AHR: variants seen among roughly 807,000 people sequenced by gnomAD.
The protein encoded by AHR is aryl hydrocarbon receptor.
AHR carries 40 observed loss-of-function variants against 86.8 expected under a neutral mutation model. The observed-to-expected ratio is 0.46, with a 90% confidence interval of 0.36 to 0.60. AHR has a LOEUF of 0.60. Ranked by LOEUF, AHR falls within the 20% of genes least tolerant of loss-of-function variation. AHR has a pLI of 0.00. For synonymous variants in AHR, 398 were observed against 354.9 expected, an observed-to-expected ratio of 1.12 and a Z score of -1.37; for missense variants, 1,001 against 1,011.6, an observed-to-expected ratio of 0.99 and a Z score of 0.14.
chr7:17,324,410 A>T (rs1379014624), intron 3 of AHR, among the ~76,000 whole-genome samples: 2 of 152,234 alleles, frequency 1.3e-5, no homozygotes, highest in South Asian at 4.1e-4. Flanking sequence ...ACAGTGTGAA[A>T]GGTGTTACCA....
Position 17,329,977 on chromosome 7 carries a change from A to G in AHR, c.476A>G (p.Tyr159Cys). 1 of 1,610,870 alleles carries G rather than the reference A, an allele frequency of 6.2e-7. No individual in the cohort carries two copies. The highest frequency in any genetic ancestry group is 2.2e-5 in the East Asian group (1 of 44,832). Residue 159 changes from tyrosine to cysteine, a missense_variant, in exon 5 of 11, where the codon TAT (tyrosine) becomes TGT (cysteine). Around this residue, in one of 2 missense-constraint regions of AHR, gnomAD observed 394 missense variants for 468.5 expected, o/e 0.84. Coordinates refer to ENST00000242057, the MANE Select transcript of AHR (RefSeq NM_001621.5). ...TCTGATGTCATACATCAGAGTGTAT[A>G]TGAACTTATCCATACCGAAGACCGA... ...QQSDVIHQSV[Y>C]ELIHTEDRAE... is the part of the protein sequence containing the mutation.
intron 8 of AHR, among the ~76,000 whole-genome samples, chr7:17,335,202 A>G (rs1782342201): frequency 6.6e-6 from 1 of 152,108 alleles, no homozygotes; most frequent in South Asian, 2.1e-4. Context: ...TTGTTTAGTT[A>G]TTAAAAAATG....
chr7:17,309,926 T>G lies in AHR; in HGVS notation c.66-10T>G. 4 of 1,525,792 alleles carry G rather than the reference T, an allele frequency of 2.6e-6. No individual in the cohort carries two copies. Among genetic ancestry groups the G allele is most frequent in the Non-Finnish European group, 3.6e-6 (4 of 1,124,246 alleles). The allele number at this position is 1,525,792 out of a possible 1,614,324, so 94.5% of individuals were successfully genotyped here. A position where few individuals can be genotyped will look rare whatever the true frequency, so the allele number is the denominator to read the frequency against. The stretch of plus-strand genomic sequence containing the variant: ...AAAGGATTTTTTATGGTATTTTGTT[T>G]GTTTTTCAGAGTAAAGCCAATCCCA... On this transcript the variant is annotated splice_polypyrimidine_tract_variant and intron_variant, in intron 1 of 10. Coordinates refer to ENST00000242057, the MANE Select transcript of AHR (RefSeq NM_001621.5).
At chr7:17,331,172 A>C (rs564727078) in intron 6 of AHR, among the ~76,000 whole-genome samples, 1 of 151,868 alleles carries the variant, frequency 6.6e-6, no homozygotes, top group African/African-American at 2.4e-5. Context: ...AGACTCAGCT[A>C]TTTGGTTACA....
rs192368632 is a variant in AHR at position 17,340,233 on chromosome 7, G to C, written c.2403+5G>C. On this transcript the variant is annotated splice_donor_5th_base_variant and intron_variant, in intron 10 of 10. Transcript: ENST00000242057. ...CAACAGGCATTTTTAAACAAGGTAA[G>C]GGTGTTATCAAACTGAATTAAATCT... 6.3e-7 allele frequency: 1 copy of C among 1,583,096 alleles called. No individual in the cohort carries two copies. The highest frequency in any genetic ancestry group is 1.8e-5 in the Admixed American group (1 of 54,142).
chr7:17,299,086 T>A lies in AHR; in HGVS notation c.-179T>A. On this transcript the variant is annotated 5_prime_UTR_variant, in exon 1 of 11. Coordinates refer to ENST00000242057, the MANE Select transcript of AHR (RefSeq NM_001621.5). ...TGTACTGGCGCGGGCTGCGGAAGCC[T>A]GCGTGAGCCGAGGCGTTGAGGCGCG... 1.6e-6 allele frequency: 1 copy of A among 614,574 alleles called. No homozygotes were observed. Among genetic ancestry groups the A allele is most frequent in the Non-Finnish European group, 2.6e-6 (1 of 383,736 alleles). 38.1% of individuals were successfully genotyped at this position (614,574 alleles called of 1,614,324 possible). A position where few individuals can be genotyped will look rare whatever the true frequency, so the allele number is the denominator to read the frequency against.
At chr7:17,341,888 G>A (rs1041423995) in intron 10 of AHR, among the ~76,000 whole-genome samples, 3 of 152,128 alleles carry the variant, frequency 2.0e-5, no homozygotes, top group Non-Finnish European at 2.9e-5. Flanking sequence ...TATGTTTAAA[G>A]AGAATGGTGA....
chr7:17,302,968 T>C (rs1175676797), intron 1 of AHR, among the ~76,000 whole-genome samples: 1 of 152,068 alleles, frequency 6.6e-6, no homozygotes, highest in African/African-American at 2.4e-5. Flanking sequence ...CGGCTACGGC[T>C]GAAATGTGCT....
rs140760845 is a variant in AHR at position 17,339,390 on chromosome 7, C to T, written c.1565C>T (p.Ser522Leu). 4.5e-5 allele frequency: 73 copies of T among 1,614,026 alleles called. No homozygotes were observed. Among genetic ancestry groups the T allele is most frequent in the Middle Eastern group, 1.6e-4 (1 of 6,084 alleles). The change falls in exon 10 of 11, where the codon TCA becomes TTA. Residue 522 changes from serine (S) to leucine (L), a missense_variant. This residue lies in a region of AHR where 607 missense variants were observed against 543.1 expected (regional missense o/e 1.12). Transcript: ENST00000242057. ...ATTGACCAGCCTCAGGATGTGAACT[C>T]ATTTGCTGGAGGTCACCCAGGGCTC... ...EQIDQPQDVNSFAGGHPGLFQ... is the reference protein window; with the variant it reads ...EQIDQPQDVNLFAGGHPGLFQ...
Position 17,343,330 on chromosome 7 carries a change from G to A in AHR, c.*266G>A. ...ACCGTCTACATTTCACATTATTCTG[G>A]GCACCACAAAATATACAAAACTTTA... On this transcript the variant is annotated 3_prime_UTR_variant, in exon 11 of 11. Transcript: ENST00000242057. The A allele has an allele frequency of 5.0e-6, 2 of 397,902 alleles. No homozygotes were observed. Among genetic ancestry groups the A allele is most frequent in the South Asian group, 4.3e-5 (1 of 23,420 alleles). The allele number at this position is 397,902 out of a possible 1,614,324, so 24.6% of individuals were successfully genotyped here.
intron 9 of AHR, among the ~76,000 whole-genome samples, chr7:17,337,988 A>G (rs1389680703): frequency 1.3e-5 from 2 of 151,144 alleles, no homozygotes; most frequent in African/African-American, 2.4e-5. Context: ...TCACGAGGTC[A>G]GGAGATCGAG....
rs911350740 is a variant in AHR, at chr7:17,333,955, A to G, written c.749A>G (p.Lys250Arg). 2 of 1,613,334 alleles carry G rather than the reference A, an allele frequency of 1.2e-6. No individual in the cohort carries two copies. The highest frequency in any genetic ancestry group is 1.7e-5 in the Admixed American group (1 of 59,968). The change falls in exon 7 of 11, where the codon AAA becomes AGA. Residue 250 changes from lysine (K) to arginine (R), a missense_variant. Coordinates refer to ENST00000242057, the MANE Select transcript of AHR (RefSeq NM_001621.5). ...AAGTTAAAGTATCTTCATGGACAGAAAAAGAAAGGGAAAGATGGATCAATA... is the reference window on the plus strand; with the variant it reads ...AAGTTAAAGTATCTTCATGGACAGAGAAAGAAAGGGAAAGATGGATCAATA... Reference protein sequence around the residue: ...QGKLKYLHGQKKKGKDGSILP... With the variant: ...QGKLKYLHGQRKKGKDGSILP...
chr7:17,336,140 C>T (rs1247989028), intron 9 of AHR: 1 of 175,680 alleles, frequency 5.7e-6, no homozygotes, highest in Admixed American at 6.3e-5. Flanking sequence ...GTTTCTTACA[C>T]ATGCTGCAGA....
Position 17,339,580 on chromosome 7 carries a change from C to A in AHR, c.1755C>A (p.Val585=). The A allele has an allele frequency of 6.2e-7, 1 of 1,614,130 alleles. No individual in the cohort carries two copies. The highest frequency in any genetic ancestry group is 8.5e-7 in the Non-Finnish European group (1 of 1,180,036). The change falls in exon 10 of 11, where the codon GTC becomes GTA. Residue 585 remains valine (V), a synonymous_variant. Coordinates refer to ENST00000242057, the MANE Select transcript of AHR (RefSeq NM_001621.5). The part of the protein sequence containing the change: ...IDLTDEILTY[V]QDSLSKSPFI... The stretch of plus-strand genomic sequence containing the variant: ...TAACGGATGAAATCCTGACGTATGT[C>A]CAAGATTCTTTAAGTAAGTCTCCCT...
intron 1 of AHR, among the ~76,000 whole-genome samples, chr7:17,308,747 A>G (rs1782031771): frequency 6.6e-6 from 1 of 151,996 alleles, no homozygotes. Context: ...TTACCGATGT[A>G]TTACCTTTTT....
intron 3 of AHR, 81 bp downstream of exon 3, chr7:17,322,688 C>T: frequency 1.1e-6 from 1 of 940,116 alleles, no homozygotes; most frequent in Admixed American, 2.3e-5. Flanking sequence ...TAGTAATTCC[C>T]TGTTTACTTA....
intron 6 of AHR, among the ~76,000 whole-genome samples, chr7:17,332,439 C>T (rs1022866842): frequency 6.6e-6 from 1 of 151,716 alleles, no homozygotes; most frequent in Non-Finnish European, 1.5e-5. Context: ...TTATTGCCCC[C>T]GCAGACCTTC....
intron 5 of AHR, 75 bp from the exon 6 acceptor site, chr7:17,330,681 C>T: frequency 7.4e-7 from 1 of 1,350,732 alleles, no homozygotes; most frequent in Non-Finnish European, 9.8e-7. Context: ...GAAACTAATA[C>T]AAATTTTACC....
At chr7:17,308,666 CA>C (rs1782030250) in intron 1 of AHR, among the ~76,000 whole-genome samples, 1 of 151,808 alleles carries the variant, frequency 6.6e-6, no homozygotes. Flanking sequence ...GTTGTACAGA[CA>C]ACCTGGAGAA....
Sources: allele counts gnomAD v4.1 joint callset (sites outside exome capture counted in the v4.1 genomes callset), GRCh38; gene constraint gnomAD v4.1.1; regional missense constraint gnomAD v4.1.1; transcripts MANE v1.5; gene names NCBI Gene and HGNC (gene_info 2026-07-23, HGNC 2026-07-21).